The following SLC25A21 variants were observed in gnomAD, a reference collection of about 807,000 sequenced individuals.
The protein encoded by SLC25A21 is solute carrier family 25 member 21.
SLC25A21 carries 47 observed loss-of-function variants against 43.8 expected under a neutral mutation model. The observed-to-expected ratio is 1.07, with a 90% confidence interval of 0.85 to 1.37. The LOEUF is 1.37. SLC25A21 is among the 40% of genes most tolerant of loss of function. The pLI, the probability that SLC25A21 is intolerant of heterozygous loss-of-function variation, is 0.00. For synonymous variants in SLC25A21, 131 were observed against 121.3 expected (o/e 1.08, Z -0.52); for missense variants, 352 against 350.2 (o/e 1.00, Z -0.04).
At chr14:37,081,483 T>TATC (rs1306307115) in intron 1 of SLC25A21, among the ~76,000 whole-genome samples, 9 of 152,192 alleles carry the variant, frequency 5.9e-5, no homozygotes, top group Non-Finnish European at 8.8e-5. Flanking sequence ...TGTTTCTGTC[T>TATC]ATCAGAATGT....
At chr14:36,847,308 A>G (rs1566670766) in intron 2 of SLC25A21, among the ~76,000 whole-genome samples, 1 of 152,186 alleles carries the variant, frequency 6.6e-6, no homozygotes, top group African/African-American at 2.4e-5. Flanking sequence ...CCATTAAAAT[A>G]CCCAGCCATC....
At chr14:37,007,877 C>T (rs1225230168) in intron 1 of SLC25A21, among the ~76,000 whole-genome samples, 1 of 152,070 alleles carries the variant, frequency 6.6e-6, no homozygotes, top group African/African-American at 2.4e-5. Context: ...ATTTGTCATA[C>T]AATTTCCACT....
chr14:36,680,512 AT>A lies in SLC25A21; in HGVS notation c.*145del. On this transcript the variant is annotated 3_prime_UTR_variant, in exon 10 of 10. Coordinates refer to ENST00000331299, the MANE Select transcript of SLC25A21 (RefSeq NM_030631.4). Reference sequence around the variant, plus strand: ...CTATAATCTCAAGTTGCCTATAGACATTTTTTAAAGTATTAAAATAGATTTT... The same window carrying A: ...CTATAATCTCAAGTTGCCTATAGACATTTTTAAAGTATTAAAATAGATTTT... The A allele has an allele frequency of 7.7e-7, 1 of 1,301,540 alleles. No individual in the cohort carries two copies. The allele number at this position is 1,301,540 out of a possible 1,614,324, so 80.6% of individuals were successfully genotyped here.
At chr14:37,113,881 T>C (rs1963063340) in intron 1 of SLC25A21, among the ~76,000 whole-genome samples, 1 of 148,228 alleles carries the variant, frequency 6.7e-6, no homozygotes, top group Non-Finnish European at 1.5e-5. Context: ...GAAATAATAA[T>C]GTTAAACTTC....
At chr14:36,754,783 AG>A (rs374102743) in intron 3 of SLC25A21, among the ~76,000 whole-genome samples, 234 of 152,344 alleles carry the variant, frequency 1.5e-3, no homozygotes, top group African/African-American at 5.3e-3. Flanking sequence ...TAAATTTAAT[AG>A]GAAATATGTT....
intron 1 of SLC25A21, among the ~76,000 whole-genome samples, chr14:37,026,056 C>G (rs921355011): frequency 2.6e-5 from 4 of 152,050 alleles, no homozygotes; most frequent in Non-Finnish European, 4.4e-5. Flanking sequence ...GCAGAAGATA[C>G]TAGTCATCTC....
chr14:36,975,255 C>A (rs546136129), intron 1 of SLC25A21, among the ~76,000 whole-genome samples: 1 of 152,280 alleles, frequency 6.6e-6, no homozygotes, highest in Non-Finnish European at 1.5e-5. Context: ...CCAAAGGTTA[C>A]CTATAATGAA....
chr14:36,730,904 C>A (rs971944530), intron 4 of SLC25A21, among the ~76,000 whole-genome samples: 1 of 152,032 alleles, frequency 6.6e-6, no homozygotes, highest in African/African-American at 2.4e-5. Context: ...CAGGGACCAC[C>A]ACTTTTCTGA....
At chr14:36,872,422 A>T (rs1330860312) in intron 2 of SLC25A21, among the ~76,000 whole-genome samples, 4 of 152,180 alleles carry the variant, frequency 2.6e-5, no homozygotes, top group South Asian at 4.1e-4. Flanking sequence ...TCTATTTAGA[A>T]ACACAGTCAT....
intron 3 of SLC25A21, among the ~76,000 whole-genome samples, chr14:36,806,199 G>A (rs1483747212): frequency 6.6e-6 from 1 of 151,750 alleles, no homozygotes; most frequent in Non-Finnish European, 1.5e-5. Flanking sequence ...GCCTGGGTGA[G>A]AGAGCTTTTT....
At chr14:37,157,914 G>A (rs534763666) in intron 1 of SLC25A21, among the ~76,000 whole-genome samples, 1 of 152,172 alleles carries the variant, frequency 6.6e-6, no homozygotes, top group South Asian at 2.1e-4. Flanking sequence ...CATTACAACT[G>A]ATACAACAGA....
chr14:36,878,160 T>G (rs1890601852), intron 1 of SLC25A21, among the ~76,000 whole-genome samples: 1 of 152,136 alleles, frequency 6.6e-6, no homozygotes, highest in African/African-American at 2.4e-5. Context: ...TCTCTCATCA[T>G]AGCATAGATG....
chr14:37,133,613 A>G (rs1963428630), intron 1 of SLC25A21, among the ~76,000 whole-genome samples: 1 of 151,730 alleles, frequency 6.6e-6, no homozygotes, highest in African/African-American at 2.4e-5. Flanking sequence ...CTTGTAAACA[A>G]ATACCTCATA....
intron 2 of SLC25A21, among the ~76,000 whole-genome samples, chr14:36,873,059 T>C (rs1048403184): frequency 6.6e-6 from 1 of 152,150 alleles, no homozygotes; most frequent in African/African-American, 2.4e-5. Context: ...CTCCTCTATG[T>C]TCATTGGAAC....
chr14:37,133,629 T>TA lies in SLC25A21; in HGVS notation c.70+38651dup, dbSNP rs146992171. Among the ~76,000 whole-genome samples, 490 of 146,494 alleles carry TA rather than the reference T, an allele frequency of 3.3e-3. 3 individuals carry two copies. The highest frequency in any genetic ancestry group is 9.4e-3 in the African/African-American group (375 of 40,036). On this transcript the variant is annotated intron_variant, in intron 1 of 9. Transcript: ENST00000331299. ...TTGTAAACAAATACCTCATACACCA[T>TA]AAAAAAAAAACCACCAACACCTGCC...
intron 7 of SLC25A21, among the ~76,000 whole-genome samples, chr14:36,702,580 G>C (rs1430308679): frequency 6.6e-6 from 1 of 151,210 alleles, no homozygotes; most frequent in Non-Finnish European, 1.5e-5. Context: ...TAGAATACTT[G>C]TTTATAAATT....
At chr14:36,977,643 AG>A (rs1010837414) in intron 1 of SLC25A21, among the ~76,000 whole-genome samples, 9 of 152,306 alleles carry the variant, frequency 5.9e-5, no homozygotes, top group African/African-American at 1.4e-4. Context: ...TTCTAATGCA[AG>A]GGGGGCCTTG....
intron 1 of SLC25A21, among the ~76,000 whole-genome samples, chr14:36,997,864 C>A (rs1052581900): frequency 6.6e-6 from 1 of 151,738 alleles, no homozygotes; most frequent in Non-Finnish European, 1.5e-5. Context: ...TCAGAGAGTG[C>A]TTTCATCCAA....
chr14:37,134,631 G>C (rs1265455237), intron 1 of SLC25A21, among the ~76,000 whole-genome samples: 1 of 135,456 alleles, frequency 7.4e-6, no homozygotes, highest in East Asian at 2.2e-4. Flanking sequence ...CTGGGTCACA[G>C]AGTGAGACTC....
Sources: allele counts gnomAD v4.1 joint callset (sites outside exome capture counted in the v4.1 genomes callset), GRCh38; gene constraint gnomAD v4.1.1; transcripts MANE v1.5; gene names NCBI Gene and HGNC (gene_info 2026-07-23, HGNC 2026-07-21).